Variants in TBXAS1 observed in about 807,000 individuals in gnomAD.
TBXAS1 encodes the protein thromboxane A synthase 1.
A neutral mutation model predicts 60.7 loss-of-function variants in TBXAS1; 48 were observed. The observed-to-expected ratio is 0.79, with a 90% confidence interval of 0.63 to 1.01. The LOEUF (loss-of-function observed/expected upper bound fraction) is 1.01. TBXAS1 is among the 50% of genes least tolerant of loss of function. The pLI is 0.00. For missense variants in TBXAS1, 685 were observed against 686.3 expected (o/e 1.00, Z 0.02); for synonymous variants, 287 against 269.7 (o/e 1.06, Z -0.63).
At chr7:139,919,962 A>G (rs1806324690) in intron 4 of TBXAS1, among the ~76,000 whole-genome samples, 1 of 152,232 alleles carries the variant, frequency 6.6e-6, no homozygotes, top group African/African-American at 2.4e-5. Context: ...GTCCCAGTAC[A>G]GCACCTGGCA....
chr7:139,786,978 G>A (rs1447083406), intron 3 of TBXAS1, among the ~76,000 whole-genome samples: 1 of 152,188 alleles, frequency 6.6e-6, no homozygotes, highest in African/African-American at 2.4e-5. Context: ...CTTATTGAGA[G>A]GAGAGCTGTC....
In TBXAS1 at chr7:140,011,700, G is replaced by A. The variant is rs543511702; in HGVS notation, c.1227-4023G>A. Among the ~76,000 whole-genome samples, 26 of 152,264 alleles carry A rather than the reference G, an allele frequency of 1.7e-4. No homozygotes were observed. In the South Asian group the frequency reaches 4.8e-3, roughly 28 times the overall value. On this transcript the variant is annotated intron_variant, in intron 10 of 12. Transcript: ENST00000448866. Reference sequence around the variant, plus strand: ...GGAGAGGGGAGGGGAGGGAGTTAGTGTTTAAGGGATCCAGAATTTCAGTGG... The same window carrying A: ...GGAGAGGGGAGGGGAGGGAGTTAGTATTTAAGGGATCCAGAATTTCAGTGG...
At chr7:139,865,044 G>A (rs771339246) in intron 1 of TBXAS1, among the ~76,000 whole-genome samples, 1 of 152,200 alleles carries the variant, frequency 6.6e-6, no homozygotes, top group Non-Finnish European at 1.5e-5. Context: ...TTGTATTTTA[G>A]GGCATAGCCT....
At chr7:139,815,479 AT>A (rs1798123059) in intron 4 of TBXAS1, among the ~76,000 whole-genome samples, 2 of 152,180 alleles carry the variant, frequency 1.3e-5, no homozygotes, top group Non-Finnish European at 2.9e-5. Flanking sequence ...GCCCAAACTG[AT>A]TTTGTTGGTA....
chr7:139,976,894 T>C (rs1057196978), intron 9 of TBXAS1, among the ~76,000 whole-genome samples: 1 of 152,208 alleles, frequency 6.6e-6, no homozygotes, highest in Non-Finnish European at 1.5e-5. Context: ...GTTTGCTTTT[T>C]AGAAAAGTCC....
intron 3 of TBXAS1, among the ~76,000 whole-genome samples, chr7:139,885,425 A>G (rs1350670732): frequency 1.3e-5 from 2 of 152,236 alleles, no homozygotes; most frequent in Non-Finnish European, 2.9e-5. Flanking sequence ...AGTATGTAAA[A>G]CAGTCATGAA....
At chr7:139,872,191 T>A (rs753523215) in intron 1 of TBXAS1, 44 bp from the exon 2 acceptor site, 20 of 1,556,960 alleles carry the variant, frequency 1.3e-5, no homozygotes, top group Non-Finnish European at 1.8e-5. Flanking sequence ...AAAGCATGAG[T>A]GCAACTTCAT....
chr7:140,017,815 A>G lies in TBXAS1; in HGVS notation c.1509A>G (p.Gln503=). Residue 503 remains glutamine, a synonymous_variant, in exon 12 of 13, where the codon CAA becomes CAG. Transcript: ENST00000448866. The stretch of plus-strand genomic sequence containing the variant: ...ACGTGCTGCACAAGTTCCGGTTCCA[A>G]GCCTGCCCTGAGACCCAGGTGAGGC... ...LLHVLHKFRF[Q]ACPETQVPLQ... is the part of the protein sequence containing the mutation. The G allele has an allele frequency of 6.2e-7, 1 of 1,614,008 alleles. No individual in the cohort carries two copies. Among genetic ancestry groups the G allele is most frequent in the Non-Finnish European group, 8.5e-7 (1 of 1,179,944 alleles).
intron 8 of TBXAS1, among the ~76,000 whole-genome samples, chr7:139,958,809 C>T (rs1810087284): frequency 2.0e-5 from 3 of 152,246 alleles, no homozygotes; most frequent in South Asian, 2.1e-4. Flanking sequence ...GTGAACTCAA[C>T]TCGCATGTCC....
intron 5 of TBXAS1, among the ~76,000 whole-genome samples, chr7:139,944,048 T>C (rs1055793917): frequency 2.0e-5 from 3 of 152,202 alleles, no homozygotes; most frequent in African/African-American, 7.2e-5. Context: ...TATTTATTAA[T>C]TAGTTCCTGT....
chr7:139,785,838 G>C (rs1797173620), intron 3 of TBXAS1, among the ~76,000 whole-genome samples: 1 of 151,236 alleles, frequency 6.6e-6, no homozygotes, highest in South Asian at 2.1e-4. Context: ...TAGCTGCACA[G>C]CTTTGTCTTT....
chr7:139,952,695 T>C (rs1809511672), intron 5 of TBXAS1: 3 of 1,513,818 alleles, frequency 2.0e-6, no homozygotes, highest in Non-Finnish European at 2.6e-6. Context: ...CTGTGTAAGT[T>C]AGGAATTTTC....
chr7:139,994,287 C>T (rs1813140894), intron 9 of TBXAS1, among the ~76,000 whole-genome samples: 1 of 152,250 alleles, frequency 6.6e-6, no homozygotes, highest in Admixed American at 6.5e-5. Context: ...AAGTGATCTG[C>T]CTGCCTTGGC....
chr7:139,856,504 A>C (rs1800593903), intron 1 of TBXAS1, among the ~76,000 whole-genome samples: 1 of 152,210 alleles, frequency 6.6e-6, no homozygotes, highest in Non-Finnish European at 1.5e-5. Context: ...TCGGGTGGCC[A>C]TTCCGACAGG....
At chr7:139,790,724 A>T (rs1214684535) in intron 4 of TBXAS1, among the ~76,000 whole-genome samples, 1 of 152,250 alleles carries the variant, frequency 6.6e-6, no homozygotes, top group Non-Finnish European at 1.5e-5. Context: ...AGGACTCCAT[A>T]TTACATTTGT....
At chr7:140,016,079 A>G (rs1034884569) in intron 11 of TBXAS1, among the ~76,000 whole-genome samples, 17 of 152,200 alleles carry the variant, frequency 1.1e-4, no homozygotes, top group Non-Finnish European at 2.1e-4. Flanking sequence ...CTGTAATCCC[A>G]GCACTTTGGG....
chr7:139,983,858 T>G (rs750068224), intron 9 of TBXAS1, among the ~76,000 whole-genome samples: 2 of 152,228 alleles, frequency 1.3e-5, no homozygotes, highest in African/African-American at 2.4e-5. Flanking sequence ...TCCAATATTT[T>G]TATTAGTTCA....
intron 1 of TBXAS1, among the ~76,000 whole-genome samples, chr7:139,845,714 G>A (rs56246068): frequency 0.1 from 15,188 of 152,078 alleles, 823 homozygotes; most frequent in Middle Eastern, 0.11. Context: ...GTTCTTTGCC[G>A]CTATGGGTAT....
chr7:139,915,403 A>C (rs1321412562), intron 4 of TBXAS1, among the ~76,000 whole-genome samples: 1 of 152,242 alleles, frequency 6.6e-6, no homozygotes, highest in East Asian at 1.9e-4. Flanking sequence ...CACTCGGTAA[A>C]CATTAAATGC....
Sources: gnomAD v4.1 joint callset for allele counts (sites outside exome capture counted in the v4.1 genomes callset) on GRCh38, gnomAD v4.1.1 for gene constraint, MANE v1.5 for transcripts, NCBI Gene and HGNC (gene_info 2026-07-23, HGNC 2026-07-21) for gene names.